The following COL6A5 variants were observed in gnomAD, a reference collection of about 807,000 sequenced individuals.
COL6A5 encodes the protein collagen alpha-5(VI) chain.
A neutral mutation model predicts 65.6 loss-of-function variants in COL6A5; 48 were observed. That is an observed-to-expected ratio of 0.73 (90% CI 0.58 to 0.93). The LOEUF is 0.93. COL6A5 is among the 40% of genes least tolerant of loss of function. COL6A5 has a pLI of 0.00. For synonymous variants in COL6A5, 291 were observed against 322.8 expected (o/e 0.90, Z 1.05); for missense variants, 914 against 928.3 (o/e 0.98, Z 0.20).
intron 22 of COL6A5, 21 bp from the exon 23 acceptor site, chr3:130,415,624 T>C: frequency 6.5e-7 from 1 of 1,535,514 alleles, no homozygotes. Flanking sequence ...TTGCATTGTA[T>C]TTCCTTTGTT....
chr3:130,459,837 C>G (rs1709664899), intron 5 of COL6A5, among the ~76,000 whole-genome samples: 1 of 151,584 alleles, frequency 6.6e-6, no homozygotes, highest in South Asian at 2.1e-4. Flanking sequence ...AGAGTATGTT[C>G]TTTTGTTTTT....
chr3:130,468,462 C>T (rs1453998319), intron 5 of COL6A5, among the ~76,000 whole-genome samples: 1 of 151,974 alleles, frequency 6.6e-6, no homozygotes, highest in African/African-American at 2.4e-5. Flanking sequence ...AGTTTTTTAG[C>T]CATGTGGAGT....
At position 130,394,987 on chromosome 3, in the gene COL6A5, C is replaced by G. The variant is rs1445602580; in HGVS notation, c.3090C>G (p.Asp1030Glu). The change falls in exon 8 of 42, where the codon GAC becomes GAG. Residue 1030 changes from aspartate (D) to glutamate (E), a missense_variant and NMD_transcript_variant. Physicochemically the swap from Asp to Glu is conservative, Grantham distance 45. Transcript: ENST00000312481. ...TAACCATGACAACTTTCTTGTCAGA[C>G]TTAATCGATAATTTTGACATTCAGT... 2.6e-6 allele frequency: 4 copies of G among 1,551,412 alleles called. No homozygotes were observed. The highest frequency in any genetic ancestry group is 3.5e-6 in the Non-Finnish European group (4 of 1,146,784).
chr3:130,406,376 T>C, intron 17 of COL6A5, 55 bp downstream of exon 17: 1 of 1,346,866 alleles, frequency 7.4e-7, no homozygotes, highest in Non-Finnish European at 1.0e-6. Context: ...ACAGAGACAG[T>C]CTTAACTGCT....
chr3:130,384,067 G>T (rs1310000067), intron 4 of COL6A5, among the ~76,000 whole-genome samples: 1 of 152,052 alleles, frequency 6.6e-6, no homozygotes, highest in Non-Finnish European at 1.5e-5. Flanking sequence ...TTTAGATAAG[G>T]AGAAGAGAAG....
exon 4 of COL6A5, chr3:130,379,762 G>A (rs894156082): frequency 1.3e-6 from 2 of 1,551,454 alleles, no homozygotes; most frequent in Non-Finnish European, 8.7e-7. Flanking sequence ...AGCACAAGGA[G>A]TGCCTCAGAT....
chr3:130,421,396 C>G, intron 27 of COL6A5, 36 bp downstream of exon 27: 1 of 1,543,600 alleles, frequency 6.5e-7, no homozygotes, highest in Non-Finnish European at 8.8e-7. Context: ...TTACCATGAT[C>G]TTAACCTTCT....
chr3:130,482,545 A>T (rs1240793561), intron 7 of COL6A5, among the ~76,000 whole-genome samples: 1 of 152,162 alleles, frequency 6.6e-6, no homozygotes, highest in Non-Finnish European at 1.5e-5. Context: ...TTTGTTTCAT[A>T]TGAAATTTAA....
Position 130,373,714 on chromosome 3 carries a change from A to G in COL6A5, c.67+9A>G, listed in dbSNP as rs1486994954. The G allele has an allele frequency of 1.8e-5, 27 of 1,493,450 alleles. No homozygotes were observed. Among genetic ancestry groups the G allele is most frequent in the Non-Finnish European group, 2.2e-5 (24 of 1,098,992 alleles). 92.5% of individuals were successfully genotyped at this position (1,493,450 alleles called of 1,614,324 possible). A position where few individuals can be genotyped will look rare whatever the true frequency, so the allele number is the denominator to read the frequency against. On this transcript the variant is annotated intron_variant and NMD_transcript_variant, in intron 2 of 41. Transcript: ENST00000312481. ...GGCAGACCAGAGCCCAGGTATCAGT[A>G]TATTTTACGTTTATTATTATTTAGG...
chr3:130,421,897 C>G (rs1019345219), intron 27 of COL6A5, among the ~76,000 whole-genome samples: 4 of 152,020 alleles, frequency 2.6e-5, no homozygotes, highest in African/African-American at 9.7e-5. Context: ...CATCTTCATG[C>G]TGTAGGAACA....
chr3:130,388,932 A>T (rs1160212783), exon 6 of COL6A5: 7 of 1,548,098 alleles, frequency 4.5e-6, no homozygotes, highest in Non-Finnish European at 6.1e-6. Context: ...TCACAGATGG[A>T]GTAGCGCAGG....
chr3:130,403,641 CAG>C (rs1936888172), exon 13 of COL6A5: 24 of 1,551,060 alleles, frequency 1.5e-5, no homozygotes, highest in Admixed American at 1.2e-4. Context: ...GCAGAGGACA[CAG>C]GGGAGAGGAT....
chr3:130,408,740 C>A (rs113202510), intron 17 of COL6A5, among the ~76,000 whole-genome samples: 4,883 of 152,174 alleles, frequency 0.032, 99 homozygotes, highest in South Asian at 0.083. Context: ...AAATTTCTCT[C>A]TTTTGTACTC....
At chr3:130,425,026 C>G (rs1260640614) in intron 29 of COL6A5, among the ~76,000 whole-genome samples, 1 of 152,134 alleles carries the variant, frequency 6.6e-6, no homozygotes, top group Non-Finnish European at 1.5e-5. Flanking sequence ...TTCTGATTCT[C>G]TGTAAAATGT....
chr3:130,383,869 C>A (rs890557809), intron 4 of COL6A5, among the ~76,000 whole-genome samples: 1 of 151,696 alleles, frequency 6.6e-6, no homozygotes, highest in Non-Finnish European at 1.5e-5. Context: ...TTAAAAAAAA[C>A]AAACTGAACT....
intron 1 of COL6A5, among the ~76,000 whole-genome samples, chr3:130,432,388 A>G (rs1937857212): frequency 6.6e-6 from 1 of 152,076 alleles, no homozygotes; most frequent in Non-Finnish European, 1.5e-5. Flanking sequence ...CTTCATCTCT[A>G]CTAAAAATAC....
Position 130,385,153 on chromosome 3 carries a change from G to A in COL6A5, c.1650G>A (p.Leu550=), listed in dbSNP as rs762459774. 6 of 1,550,988 alleles carry A rather than the reference G, an allele frequency of 3.9e-6. No individual in the cohort carries two copies. In the East Asian group the frequency reaches 1.2e-4, roughly 32 times the overall value. The change falls in exon 5 of 42, where the codon TTG becomes TTA. Residue 550 remains leucine (L), a synonymous_variant and NMD_transcript_variant. Transcript: ENST00000312481. ...AGGTTCCCTGTTACCTCATTGTGTT[G>A]ACTGATGGGATGTCCACAGACAGAG...
intron 4 of COL6A5, among the ~76,000 whole-genome samples, chr3:130,451,024 T>C (rs1167511745): frequency 6.6e-6 from 1 of 152,134 alleles, no homozygotes; most frequent in African/African-American, 2.4e-5. Flanking sequence ...GGTCCCAATC[T>C]AAAGGAAGTA....
At chr3:130,391,822 G>A (rs114430651) in intron 7 of COL6A5, 68 bp downstream of exon 7, 3 of 1,178,420 alleles carry the variant, frequency 2.5e-6, no homozygotes, top group Non-Finnish European at 3.5e-6. Flanking sequence ...TAAATCATAA[G>A]TCTCAGGTCT....
Sources: gnomAD v4.1 joint callset for allele counts (sites outside exome capture counted in the v4.1 genomes callset) on GRCh38, gnomAD v4.1.1 for gene constraint, MANE v1.5 for transcripts, NCBI Gene and HGNC (gene_info 2026-07-23, HGNC 2026-07-21) for gene names.